Variants in FSTL5 observed in about 807,000 individuals in gnomAD.
FSTL5 encodes follistatin like 5.
FSTL5 carries 62 observed loss-of-function variants against 89.1 expected under a neutral mutation model. The ratio of observed to expected loss-of-function variants is 0.70; its 90% CI spans 0.57 to 0.86. The LOEUF is 0.86. Ranked by LOEUF, FSTL5 falls within the 40% of genes least tolerant of loss-of-function variation. The pLI is 0.00. For synonymous variants in FSTL5, 383 were observed against 346.2 expected (o/e 1.11, Z -1.18); for missense variants, 1,057 against 1,001.6 (o/e 1.06, Z -0.75).
At chr4:162,053,314 A>G (rs1738441730) in intron 2 of FSTL5, among the ~76,000 whole-genome samples, 1 of 151,824 alleles carries the variant, frequency 6.6e-6, no homozygotes, top group Non-Finnish European at 1.5e-5. Flanking sequence ...GTGCAAATTT[A>G]TACTGTGGAT....
intron 7 of FSTL5, among the ~76,000 whole-genome samples, chr4:161,655,409 A>C (rs1283111284): frequency 1.3e-5 from 2 of 152,106 alleles, no homozygotes; most frequent in Non-Finnish European, 2.9e-5. Context: ...ACATGACCCC[A>C]GATTGACCAA....
chr4:161,758,936 C>CATGT (rs1740680153), intron 6 of FSTL5, among the ~76,000 whole-genome samples: 1 of 152,188 alleles, frequency 6.6e-6, no homozygotes, highest in Admixed American at 6.5e-5. Context: ...GCAATTCAAA[C>CATGT]ATGTATCAAT....
rs749992310 is a variant in FSTL5 at position 161,842,708 on chromosome 4, GCTT to G, written c.410-66637_410-66635del. 4.2e-4 allele frequency among the ~76,000 whole-genome samples: 64 copies of G among 151,994 alleles called. 1 individual carries two copies. The Middle Eastern group carries it at 0.011, about 25-fold the overall frequency. On this transcript the variant is annotated intron_variant, in intron 4 of 15. Coordinates refer to ENST00000306100, the MANE Select transcript of FSTL5 (RefSeq NM_020116.5). ...TATTGATTTTTGGCAAATATAAGTG[GCTT>G]CTTAATATTATATCATATTTCTGTA...
chr4:161,602,932 T>C (rs1429933207), intron 7 of FSTL5, among the ~76,000 whole-genome samples: 1 of 152,190 alleles, frequency 6.6e-6, no homozygotes, highest in African/African-American at 2.4e-5. Context: ...AGAAGGAATG[T>C]AATACCAGAA....
intron 10 of FSTL5, among the ~76,000 whole-genome samples, chr4:161,536,975 G>A (rs1731640933): frequency 6.6e-6 from 1 of 152,074 alleles, no homozygotes; most frequent in Admixed American, 6.6e-5. Flanking sequence ...AGGAATTATG[G>A]TGGACCTTAT....
At chr4:161,977,009 A>G (rs1735670350) in intron 3 of FSTL5, among the ~76,000 whole-genome samples, 1 of 152,146 alleles carries the variant, frequency 6.6e-6, no homozygotes, top group Non-Finnish European at 1.5e-5. Context: ...ATCCATTCAG[A>G]TAAGGACAGT....
At chr4:162,143,989 G>A (rs530811355) in intron 1 of FSTL5, among the ~76,000 whole-genome samples, 1 of 152,152 alleles carries the variant, frequency 6.6e-6, no homozygotes, top group South Asian at 2.1e-4. Context: ...AAAAGCTCAA[G>A]ATATTGAACC....
At chr4:161,472,731 T>TTATGTAAC (rs1491198218) in intron 13 of FSTL5, among the ~76,000 whole-genome samples, 1 of 1,130 alleles carries the variant, frequency 8.8e-4, no homozygotes, top group East Asian at 0.5. Flanking sequence ...TATATGTAAC[T>TTATGTAAC]TTTTTTTTTT....
chr4:162,111,682 A>G (rs187490313), intron 1 of FSTL5, among the ~76,000 whole-genome samples: 2 of 152,196 alleles, frequency 1.3e-5, no homozygotes, highest in African/African-American at 4.8e-5. Flanking sequence ...AAAAGTTAAT[A>G]AAAAAAGGTT....
intron 7 of FSTL5, among the ~76,000 whole-genome samples, chr4:161,650,644 A>G (rs1399251570): frequency 6.6e-6 from 1 of 152,212 alleles, no homozygotes; most frequent in Non-Finnish European, 1.5e-5. Flanking sequence ...ATGGTATACC[A>G]CTGAATTTTA....
At chr4:162,090,269 T>C (rs531579114) in intron 2 of FSTL5, among the ~76,000 whole-genome samples, 2 of 152,234 alleles carry the variant, frequency 1.3e-5, no homozygotes, top group African/African-American at 4.8e-5. Context: ...GGGTTGTTTT[T>C]CTGCACAGCA....
intron 6 of FSTL5, among the ~76,000 whole-genome samples, chr4:161,748,886 AAGAAGACATAC>A (rs1389060981): frequency 4.4e-5 from 5 of 112,628 alleles, no homozygotes; most frequent in Non-Finnish European, 7.2e-5. Flanking sequence ...TGTTTCTCAA[AAGAAGACATAC>A]AAGTGGCAAA....
At chr4:161,535,022 C>A (rs1270884502) in intron 10 of FSTL5, among the ~76,000 whole-genome samples, 1 of 152,070 alleles carries the variant, frequency 6.6e-6, no homozygotes, top group Non-Finnish European at 1.5e-5. Flanking sequence ...TAGCCACATG[C>A]AGAAGAATGA....
chr4:162,012,569 G>A (rs991572344), intron 3 of FSTL5, among the ~76,000 whole-genome samples: 1 of 152,032 alleles, frequency 6.6e-6, no homozygotes, highest in Non-Finnish European at 1.5e-5. Context: ...TTAAGTAAAA[G>A]TAAATAATCC....
At chr4:161,565,279 T>A (rs1732757871) in intron 8 of FSTL5, among the ~76,000 whole-genome samples, 1 of 151,816 alleles carries the variant, frequency 6.6e-6, no homozygotes, top group Admixed American at 6.6e-5. Flanking sequence ...GAACATCTTT[T>A]TGCATTTGAT....
chr4:162,091,891 T>C (rs1461708722), intron 2 of FSTL5, among the ~76,000 whole-genome samples: 1 of 151,418 alleles, frequency 6.6e-6, no homozygotes, highest in Non-Finnish European at 1.5e-5. Context: ...TATATATTCC[T>C]CTATAAGGTA....
At chr4:161,617,719 A>C (rs1232688221) in intron 7 of FSTL5, among the ~76,000 whole-genome samples, 1 of 152,242 alleles carries the variant, frequency 6.6e-6, no homozygotes, top group Non-Finnish European at 1.5e-5. Context: ...GAGAATGATG[A>C]AATGACATCT....
intron 3 of FSTL5, among the ~76,000 whole-genome samples, chr4:161,938,384 A>C (rs542506281): frequency 3.2e-3 from 490 of 152,228 alleles, no homozygotes; most frequent in Middle Eastern, 0.01. Flanking sequence ...TTTCACTAAA[A>C]TTTAAAATAT....
chr4:161,779,966 A>G (rs1303138860), intron 4 of FSTL5, among the ~76,000 whole-genome samples: 1 of 148,330 alleles, frequency 6.7e-6, no homozygotes, highest in East Asian at 2.0e-4. Context: ...ATTGAATAGA[A>G]AGCCAAAGGG....
Sources: gnomAD v4.1 joint callset for allele counts (sites outside exome capture counted in the v4.1 genomes callset) on GRCh38, gnomAD v4.1.1 for gene constraint, MANE v1.5 for transcripts, NCBI Gene and HGNC (gene_info 2026-07-23, HGNC 2026-07-21) for gene names.